The following TTC9 variants were observed in gnomAD, a reference collection of about 807,000 sequenced individuals.
TTC9 encodes the protein tetratricopeptide repeat domain 9.
A neutral mutation model predicts 22.9 loss-of-function variants in TTC9; 13 were observed. The observed-to-expected ratio is 0.57, with a 90% CI of 0.37 to 0.90. The LOEUF (loss-of-function observed/expected upper bound fraction) is 0.90. Among genes scored for constraint, TTC9 ranks in the 40% least tolerant of loss-of-function variants. The pLI is 0.01. For missense variants in TTC9, 280 were observed against 291.8 expected (o/e 0.96, Z 0.29); for synonymous variants, 148 against 133.2 (o/e 1.11, Z -0.77).
intron 2 of TTC9, among the ~76,000 whole-genome samples, chr14:70,670,013 A>G (rs916817389): frequency 2.4e-4 from 37 of 152,368 alleles, no homozygotes; most frequent in African/African-American, 4.8e-4. Flanking sequence ...GACCCTGCTT[A>G]TAACGACAAA....
chr14:70,663,254 C>T (rs1205131888), intron 1 of TTC9, among the ~76,000 whole-genome samples: 10 of 152,320 alleles, frequency 6.6e-5, no homozygotes, highest in African/African-American at 2.2e-4. Context: ...ATTCCCCTCT[C>T]GCTCCCTCTC....
intron 1 of TTC9, among the ~76,000 whole-genome samples, chr14:70,652,420 C>T (rs928613257): frequency 6.6e-6 from 1 of 152,150 alleles, no homozygotes; most frequent in African/African-American, 2.4e-5. Context: ...AAAATATTAT[C>T]TGGGCCCTGG....
intron 1 of TTC9, among the ~76,000 whole-genome samples, chr14:70,651,798 C>T (rs1471943571): frequency 6.6e-6 from 1 of 152,116 alleles, no homozygotes; most frequent in East Asian, 1.9e-4. Context: ...GCTCAGCATC[C>T]AAGGTTCTTG....
chr14:70,665,812 C>T (rs1411740353), intron 1 of TTC9, among the ~76,000 whole-genome samples: 4 of 152,256 alleles, frequency 2.6e-5, no homozygotes, highest in East Asian at 1.9e-4. Flanking sequence ...GAATGACTGA[C>T]GTTAGACCCC....
At chr14:70,652,688 G>A (rs933436690) in intron 1 of TTC9, among the ~76,000 whole-genome samples, 1 of 152,220 alleles carries the variant, frequency 6.6e-6, no homozygotes, top group African/African-American at 2.4e-5. Context: ...ATGGCTCAAG[G>A]CTGGAAAGCC....
At chr14:70,647,487 G>T (rs569965730) in intron 1 of TTC9, among the ~76,000 whole-genome samples, 30 of 152,252 alleles carry the variant, frequency 2.0e-4, no homozygotes, top group Admixed American at 9.2e-4. Context: ...TAGATTATTT[G>T]TGTTTCTGAG....
At chr14:70,661,210 C>G (rs946588541) in intron 1 of TTC9, among the ~76,000 whole-genome samples, 2 of 152,164 alleles carry the variant, frequency 1.3e-5, no homozygotes, top group East Asian at 1.9e-4. Context: ...GTATCTGTCT[C>G]TGTGTCCAAA....
At chr14:70,661,177 T>G (rs922596100) in intron 1 of TTC9, among the ~76,000 whole-genome samples, 1 of 152,224 alleles carries the variant, frequency 6.6e-6, no homozygotes, top group African/African-American at 2.4e-5. Flanking sequence ...TTCCTAGATC[T>G]TATTGCATCA....
At chr14:70,662,362 A>G (rs1886155520) in intron 1 of TTC9, among the ~76,000 whole-genome samples, 1 of 151,078 alleles carries the variant, frequency 6.6e-6, no homozygotes, top group Admixed American at 6.6e-5. Flanking sequence ...GTCTCACCCC[A>G]GTGCCATGAC....
chr14:70,654,586 T>TAA (rs1422374484), intron 1 of TTC9, among the ~76,000 whole-genome samples: 1 of 20,128 alleles, frequency 5.0e-5, no homozygotes, highest in Non-Finnish European at 9.0e-5. Context: ...AGGCTCTGTC[T>TAA]CAAAAAAAAA....
chr14:70,650,199 A>G (rs1047026416), intron 1 of TTC9, among the ~76,000 whole-genome samples: 1 of 152,194 alleles, frequency 6.6e-6, no homozygotes, highest in Non-Finnish European at 1.5e-5. Context: ...AGGTGGGTAG[A>G]TCACCTGAAG....
Position 70,674,758 on chromosome 14 carries a change from G to A in TTC9, c.*3603G>A, listed in dbSNP as rs962885927. ...ACTTAATAATATCACGAACATTTTC[G>A]GCATATCAAACTTTCTCAACAGCAT... On this transcript the variant is annotated 3_prime_UTR_variant, in exon 3 of 3. Transcript: ENST00000256367. The A allele has an allele frequency of 2.0e-5, 3 of 151,912 alleles. No homozygotes were observed. Among genetic ancestry groups the A allele is most frequent in the East Asian group, 1.9e-4 (1 of 5,190 alleles). 9.4% of individuals were successfully genotyped at this position (151,912 alleles called of 1,614,324 possible). A position where few individuals can be genotyped will look rare whatever the true frequency, so the allele number is the denominator to read the frequency against.
intron 1 of TTC9, among the ~76,000 whole-genome samples, chr14:70,643,532 CCAAA>C (rs376941474): frequency 2.2e-4 from 33 of 152,276 alleles, no homozygotes; most frequent in African/African-American, 7.9e-4. Context: ...CCTTCTCCGA[CCAAA>C]CAAAGGGCAG....
At chr14:70,643,297 A>T (rs1885855374) in intron 1 of TTC9, among the ~76,000 whole-genome samples, 1 of 152,190 alleles carries the variant, frequency 6.6e-6, no homozygotes, top group South Asian at 2.1e-4. Context: ...CTCTTGGGCA[A>T]AGAAGGTGTA....
intron 1 of TTC9, among the ~76,000 whole-genome samples, chr14:70,662,318 C>T (rs770710602): frequency 3.8e-4 from 57 of 151,324 alleles, no homozygotes; most frequent in Non-Finnish European, 6.8e-4. Flanking sequence ...CTCATGATGA[C>T]TAATGGTGGA....
intron 1 of TTC9, among the ~76,000 whole-genome samples, chr14:70,658,268 TA>T (rs1238907013): frequency 6.6e-6 from 1 of 152,280 alleles, no homozygotes; most frequent in East Asian, 1.9e-4. Flanking sequence ...AAATGAGTTG[TA>T]AAACACCGTA....
At chr14:70,648,390 G>T (rs887645728) in intron 1 of TTC9, among the ~76,000 whole-genome samples, 1 of 152,218 alleles carries the variant, frequency 6.6e-6, no homozygotes, top group Non-Finnish European at 1.5e-5. Context: ...GGATTTGGAA[G>T]CTCCTTAGTC....
chr14:70,647,276 C>CT (rs1566694857), intron 1 of TTC9, among the ~76,000 whole-genome samples: 1 of 152,198 alleles, frequency 6.6e-6, no homozygotes, highest in East Asian at 1.9e-4. Flanking sequence ...ATAAACTAAA[C>CT]TATTTTTATT....
chr14:70,660,730 A>G (rs866117239), intron 1 of TTC9, among the ~76,000 whole-genome samples: 20 of 152,162 alleles, frequency 1.3e-4, no homozygotes, highest in Middle Eastern at 3.2e-3. Context: ...CTGGTACAAT[A>G]CTGTTTGCCT....
Sources: gnomAD v4.1 joint callset for allele counts (sites outside exome capture counted in the v4.1 genomes callset) on GRCh38, gnomAD v4.1.1 for gene constraint, MANE v1.5 for transcripts, NCBI Gene and HGNC (gene_info 2026-07-23, HGNC 2026-07-21) for gene names.